The following ATG7 variants were observed in gnomAD, a reference collection of about 807,000 sequenced individuals.
ATG7 encodes ubiquitin-like modifier-activating enzyme ATG7.
Under a neutral mutation model 82.4 loss-of-function variants are expected in ATG7, and 70 were observed. The observed-to-expected ratio is 0.85, with a 90% CI of 0.70 to 1.04. The LOEUF is 1.04. ATG7 is among the 50% of genes least tolerant of loss of function. The pLI, the probability that ATG7 is intolerant of heterozygous loss-of-function variation, is 0.00. For missense variants in ATG7, 792 were observed against 864.3 expected (o/e 0.92, Z 1.05); for synonymous variants, 287 against 313.0 (o/e 0.92, Z 0.88).
rs7618732 is a variant in ATG7 at position 11,489,147 on chromosome 3, G to C, written c.2079+62221G>C. The stretch of plus-strand genomic sequence containing the variant: ...TTAGTCTTGGGAGGGTGTATGTGTC[G>C]AGGAATTTATCCATTTCTTCTAGAT... On this transcript the variant is annotated intron_variant, in intron 20 of 20. Transcript: ENST00000693202. Among the ~76,000 whole-genome samples the C allele has an allele frequency of 3.1e-3, 477 of 152,264 alleles. 5 individuals carry two copies. Among genetic ancestry groups the C allele is most frequent in the Admixed American group, 6.7e-3 (103 of 15,296 alleles).
intron 19 of ATG7, among the ~76,000 whole-genome samples, chr3:11,386,388 A>T (rs2078316571): frequency 6.6e-6 from 1 of 152,234 alleles, no homozygotes; most frequent in Non-Finnish European, 1.5e-5. Context: ...CTTAAAATAT[A>T]TATGTATGTA....
At chr3:11,316,068 A>T (rs1949370375) in intron 9 of ATG7, among the ~76,000 whole-genome samples, 1 of 151,978 alleles carries the variant, frequency 6.6e-6, no homozygotes, top group Admixed American at 6.6e-5. Context: ...TTCCCTCCTG[A>T]TGTATTTTAC....
At chr3:11,563,864 A>G in the ATG7 span, among the ~76,000 whole-genome samples, 1 of 152,110 alleles carries the variant, frequency 6.6e-6, no homozygotes, top group Non-Finnish European at 1.5e-5. Context: ...AAGCACCAGA[A>G]CCACCTCTCC....
Position 11,490,551 on chromosome 3 carries a change from A to G in ATG7, c.2079+63625A>G, listed in dbSNP as rs532904027. On this transcript the variant is annotated intron_variant, in intron 20 of 20. Coordinates refer to ENST00000693202, the MANE Select transcript of ATG7 (RefSeq NM_001349232.2). ...GGTTATTTTGCTCGTTAGTTGATGCAGTTTCTTCCTAGCCTCCATGGTCTT... is the reference window on the plus strand; with the variant it reads ...GGTTATTTTGCTCGTTAGTTGATGCGGTTTCTTCCTAGCCTCCATGGTCTT... 2.0e-4 allele frequency among the ~76,000 whole-genome samples: 31 copies of G among 152,282 alleles called. 1 individual carries two copies. The highest frequency in any genetic ancestry group is 7.2e-4 in the African/African-American group (30 of 41,540).
At chr3:11,493,533 G>C (rs1374096379) in intron 20 of ATG7, among the ~76,000 whole-genome samples, 1 of 152,126 alleles carries the variant, frequency 6.6e-6, no homozygotes, top group East Asian at 1.9e-4. Context: ...TTGAAGGTGG[G>C]GTTTCCACTG....
At position 11,311,741 on chromosome 3, in the gene ATG7, T is replaced by C. The variant is rs537255788; in HGVS notation, c.412-1563T>C. On this transcript the variant is annotated intron_variant, in intron 7 of 20. Transcript: ENST00000693202. ...GGAGGTGTTTTTGCTTTCCTTCTGCTGTTTTTTAGGACTCATAGGACTAGA... is the reference window on the plus strand; with the variant it reads ...GGAGGTGTTTTTGCTTTCCTTCTGCCGTTTTTTAGGACTCATAGGACTAGA... 2.6e-5 allele frequency among the ~76,000 whole-genome samples: 4 copies of C among 152,272 alleles called. No homozygotes were observed. In the South Asian group the frequency reaches 8.3e-4, roughly 32 times the overall value.
chr3:11,494,371 C>A (rs1474046274), intron 20 of ATG7, among the ~76,000 whole-genome samples: 3 of 152,178 alleles, frequency 2.0e-5, no homozygotes, highest in Non-Finnish European at 4.4e-5. Context: ...TTGATACCAT[C>A]TGGGTAGGCC....
At chr3:11,477,075 A>G (rs1002465345) in intron 20 of ATG7, 14 of 1,279,002 alleles carry the variant, frequency 1.1e-5, no homozygotes, top group Non-Finnish European at 1.3e-5. Flanking sequence ...TTAACTGGCA[A>G]TCAGTTATTG....
At chr3:11,487,742 A>AC (rs1263268769) in intron 20 of ATG7, among the ~76,000 whole-genome samples, 4 of 3,346 alleles carry the variant, frequency 1.2e-3, no homozygotes, top group African/African-American at 3.4e-3. Context: ...CGGGGGGCTG[A>AC]CCCCCCCCCA....
In ATG7 at chr3:11,483,238, T is replaced by C. The variant is rs566598179; in HGVS notation, c.2079+56312T>C. Among the ~76,000 whole-genome samples, 3 of 152,220 alleles carry C rather than the reference T, an allele frequency of 2.0e-5. No individual in the cohort carries two copies. In the South Asian group the frequency reaches 6.2e-4, roughly 32 times the overall value. ...GAGGTAAAGTGATATCCCCATCCTC[T>C]CTGGTCAGTCTTGGCATCACAGAAG... On this transcript the variant is annotated intron_variant, in intron 20 of 20. Transcript: ENST00000693202.
At chr3:11,469,481 C>T (rs1435226452) in intron 20 of ATG7, among the ~76,000 whole-genome samples, 1 of 152,000 alleles carries the variant, frequency 6.6e-6, no homozygotes, top group Non-Finnish European at 1.5e-5. Context: ...AATCATGCCA[C>T]CAACAAACCT....
chr3:11,329,372 T>G (rs1456912901), intron 9 of ATG7, among the ~76,000 whole-genome samples: 1 of 152,190 alleles, frequency 6.6e-6, no homozygotes, highest in African/African-American at 2.4e-5. Flanking sequence ...TGGATCTAGA[T>G]TTAACAAAAA....
chr3:11,319,731 T>C (rs1004344591), intron 9 of ATG7, among the ~76,000 whole-genome samples: 1 of 152,180 alleles, frequency 6.6e-6, no homozygotes, highest in Non-Finnish European at 1.5e-5. Context: ...AAGCCAGAAA[T>C]CTGGTTATCC....
At chr3:11,531,888 A>G (rs1225883293) in intron 20 of ATG7, among the ~76,000 whole-genome samples, 1 of 136,316 alleles carries the variant, frequency 7.3e-6, no homozygotes, top group African/African-American at 2.7e-5. Flanking sequence ...AAAAAAAAAA[A>G]GTCTAATAAC....
At chr3:11,575,934 C>T in the ATG7 span, among the ~76,000 whole-genome samples, 1 of 152,220 alleles carries the variant, frequency 6.6e-6, no homozygotes, top group Non-Finnish European at 1.5e-5. Flanking sequence ...TGGCCAGCAG[C>T]GCGGAGCCCG....
In ATG7 at chr3:11,532,036, T is replaced by C. The variant is rs920226853; in HGVS notation, c.2080-22775T>C. On this transcript the variant is annotated intron_variant, in intron 20 of 20. Transcript: ENST00000693202. Reference sequence around the variant, plus strand: ...TTGTTTTGACTTAGAAACTAAAATATTGGATTTTATTCCTCCTCCTCCTCT... The same window carrying C: ...TTGTTTTGACTTAGAAACTAAAATACTGGATTTTATTCCTCCTCCTCCTCT... Among the ~76,000 whole-genome samples, 5 of 152,208 alleles carry C rather than the reference T, an allele frequency of 3.3e-5. No homozygotes were observed. The East Asian group carries it at 7.7e-4, about 24-fold the overall frequency.
intron 20 of ATG7, among the ~76,000 whole-genome samples, chr3:11,511,772 C>A (rs1483593553): frequency 1.3e-5 from 2 of 152,154 alleles, no homozygotes; most frequent in Non-Finnish European, 2.9e-5. Context: ...AGCGAGAAAT[C>A]GAGCACAGCA....
chr3:11,518,982 T>TA (rs944984551), intron 20 of ATG7, among the ~76,000 whole-genome samples: 23 of 150,482 alleles, frequency 1.5e-4, no homozygotes, highest in South Asian at 2.1e-4. Context: ...CATCAAGATT[T>TA]AAAAAAAAAA....
intron 20 of ATG7, among the ~76,000 whole-genome samples, chr3:11,519,297 C>G (rs1160836947): frequency 6.6e-6 from 1 of 152,044 alleles, no homozygotes; most frequent in Non-Finnish European, 1.5e-5. Context: ...ATCATAATCC[C>G]CATTTTAATG....
Sources: allele counts gnomAD v4.1 joint callset (sites outside exome capture counted in the v4.1 genomes callset), GRCh38; gene constraint gnomAD v4.1.1; transcripts MANE v1.5; gene names NCBI Gene and HGNC (gene_info 2026-07-23, HGNC 2026-07-21).